The following SLC8A1 variants were observed in gnomAD, a reference collection of about 807,000 sequenced individuals.
The protein encoded by SLC8A1 is sodium/calcium exchanger 1.
A neutral mutation model predicts 68.3 loss-of-function variants in SLC8A1; 18 were observed. That is an observed-to-expected ratio of 0.26 (90% confidence interval 0.18 to 0.39). The LOEUF is 0.39. Among genes scored for constraint, SLC8A1 ranks in the 10% least tolerant of loss-of-function variants. The pLI, the probability that SLC8A1 is intolerant of heterozygous loss-of-function variation, is 1.00. For missense variants in SLC8A1, 985 were observed against 1,156.7 expected (o/e 0.85, Z 2.15); for synonymous variants, 475 against 415.5 (o/e 1.14, Z -1.74).
At chr2:40,171,407 G>T (rs1364471686) in intron 4 of SLC8A1, among the ~76,000 whole-genome samples, 2 of 152,076 alleles carry the variant, frequency 1.3e-5, no homozygotes, top group Admixed American at 1.3e-4. Context: ...AGAAGTTTTG[G>T]GGATCAAACT....
chr2:40,329,101 C>CAT (rs1491558508), intron 2 of SLC8A1, among the ~76,000 whole-genome samples: 1 of 147,654 alleles, frequency 6.8e-6, no homozygotes, highest in African/African-American at 2.5e-5. Flanking sequence ...CACACACACA[C>CAT]GCACTGGACT....
At chr2:40,415,483 T>G (rs1227414434) in intron 2 of SLC8A1, among the ~76,000 whole-genome samples, 2 of 151,916 alleles carry the variant, frequency 1.3e-5, no homozygotes, top group African/African-American at 4.8e-5. Context: ...ACTGGAGTTG[T>G]GGCTTAAGCA....
intron 2 of SLC8A1, among the ~76,000 whole-genome samples, chr2:40,285,428 TTTG>T (rs1303472837): frequency 6.6e-6 from 1 of 152,160 alleles, no homozygotes; most frequent in Non-Finnish European, 1.5e-5. Flanking sequence ...GTTTTCTTTT[TTTG>T]TTGTTTGTCT....
At chr2:40,438,836 A>G (rs1286358731) in intron 1 of SLC8A1, among the ~76,000 whole-genome samples, 1 of 152,178 alleles carries the variant, frequency 6.6e-6, no homozygotes, top group African/African-American at 2.4e-5. Flanking sequence ...ATTGTCATGT[A>G]GGTGGTCTTG....
At chr2:40,155,679 G>A (rs1229587140) in intron 6 of SLC8A1, among the ~76,000 whole-genome samples, 1 of 152,164 alleles carries the variant, frequency 6.6e-6, no homozygotes, top group Non-Finnish European at 1.5e-5. Flanking sequence ...GGACCACTGA[G>A]TTGACAGTAT....
At chr2:40,418,845 A>G (rs1289042561) in intron 2 of SLC8A1, among the ~76,000 whole-genome samples, 1 of 152,176 alleles carries the variant, frequency 6.6e-6, no homozygotes, top group African/African-American at 2.4e-5. Flanking sequence ...GAGAGGAGAG[A>G]GAGCCCTGTA....
chr2:40,496,863 G>C (rs1438160310), intron 1 of SLC8A1, among the ~76,000 whole-genome samples: 1 of 139,850 alleles, frequency 7.2e-6, no homozygotes, highest in East Asian at 2.2e-4. Context: ...TCATAGGTGG[G>C]AATTGAACAA....
At chr2:40,380,337 A>G (rs1681341069) in intron 2 of SLC8A1, among the ~76,000 whole-genome samples, 1 of 152,174 alleles carries the variant, frequency 6.6e-6, no homozygotes, top group African/African-American at 2.4e-5. Context: ...AGAATAATAA[A>G]TCAATCCTAA....
At chr2:40,494,787 C>T (rs1705583717) in intron 1 of SLC8A1, among the ~76,000 whole-genome samples, 1 of 150,554 alleles carries the variant, frequency 6.6e-6, no homozygotes, top group South Asian at 2.1e-4. Flanking sequence ...CAGCTATTGG[C>T]AGAGCTGGCA....
intron 2 of SLC8A1, among the ~76,000 whole-genome samples, chr2:40,408,058 A>C (rs538547997): frequency 6.6e-6 from 1 of 152,234 alleles, no homozygotes; most frequent in Non-Finnish European, 1.5e-5. Flanking sequence ...TAACAAGTTA[A>C]TAATCTTCCA....
intron 1 of SLC8A1, among the ~76,000 whole-genome samples, chr2:40,446,851 C>T (rs748557254): frequency 3.3e-5 from 5 of 152,348 alleles, no homozygotes; most frequent in South Asian, 4.1e-4. Flanking sequence ...GTCCCTGGCA[C>T]ATAAAAAGTG....
chr2:40,200,224 T>TATATATAAATATAAATA (rs1558722544), intron 2 of SLC8A1, among the ~76,000 whole-genome samples: 12 of 4,544 alleles, frequency 2.6e-3, no homozygotes, highest in African/African-American at 6.4e-3. Context: ...ATATATTTTT[T>TATATATAAATATAAATA]TATATATATA....
intron 2 of SLC8A1, among the ~76,000 whole-genome samples, chr2:40,426,007 T>C (rs556224728): frequency 1.3e-5 from 2 of 152,096 alleles, no homozygotes; most frequent in Non-Finnish European, 2.9e-5. Flanking sequence ...CTAGAAACCT[T>C]GTGTTTGAAT....
At chr2:40,220,724 C>T (rs372701420) in intron 2 of SLC8A1, among the ~76,000 whole-genome samples, 3 of 152,204 alleles carry the variant, frequency 2.0e-5, no homozygotes, top group African/African-American at 4.8e-5. Flanking sequence ...CTATTTGTCT[C>T]GCTCTTTCTA....
In SLC8A1 at chr2:40,389,570, C is replaced by T. The variant is rs140175348; in HGVS notation, c.1808+38903G>A. On this transcript the variant is annotated intron_variant, in intron 2 of 7. Transcript: ENST00000406785. The stretch of plus-strand genomic sequence containing the variant: ...AAAAATCCCAAGTCTACCACTTAGA[C>T]TACTTTTATGTCCCACCAATAAAAA... 1.1e-4 allele frequency among the ~76,000 whole-genome samples: 16 copies of T among 152,052 alleles called. No individual in the cohort carries two copies. In the East Asian group the frequency reaches 3.1e-3, roughly 30 times the overall value.
intron 2 of SLC8A1, among the ~76,000 whole-genome samples, chr2:40,224,071 G>C (rs904699796): frequency 1.1e-4 from 16 of 152,088 alleles, no homozygotes; most frequent in Non-Finnish European, 1.5e-4. Context: ...GTATTAAAAG[G>C]CCTGGAATGT....
intron 2 of SLC8A1, among the ~76,000 whole-genome samples, chr2:40,388,866 T>A (rs1238127273): frequency 1.3e-5 from 2 of 152,090 alleles, no homozygotes; most frequent in African/African-American, 4.8e-5. Context: ...AACTATTAAA[T>A]AGGAATAAAA....
At position 40,411,554 on chromosome 2, in the gene SLC8A1, TATG is replaced by T. The variant is rs912085263; in HGVS notation, c.1808+16916_1808+16918del. On this transcript the variant is annotated intron_variant, in intron 2 of 7. Transcript: ENST00000406785. The stretch of plus-strand genomic sequence containing the variant: ...TTTTTGCTTTCTCAAAAATGTTTAC[TATG>T]ATATTATTTATGTATAAACGTTGTC... Among the ~76,000 whole-genome samples the T allele has an allele frequency of 1.8e-4, 28 of 152,046 alleles. 1 individual carries two copies. The highest frequency in any genetic ancestry group is 1.2e-3 in the Admixed American group (18 of 15,230).
At chr2:40,249,252 G>A (rs944636871) in intron 2 of SLC8A1, among the ~76,000 whole-genome samples, 3 of 152,020 alleles carry the variant, frequency 2.0e-5, no homozygotes, top group African/African-American at 7.3e-5. Context: ...TATCAATCAA[G>A]TAAAAAAATA....
Sources: gnomAD v4.1 joint callset for allele counts (sites outside exome capture counted in the v4.1 genomes callset) on GRCh38, gnomAD v4.1.1 for gene constraint, MANE v1.5 for transcripts, NCBI Gene and HGNC (gene_info 2026-07-23, HGNC 2026-07-21) for gene names.